GIGYF2: variants seen among roughly 807,000 people sequenced by gnomAD.
GIGYF2 encodes the protein GRB10 interacting GYF protein 2.
GIGYF2 carries 25 observed loss-of-function variants against 208.1 expected under a neutral mutation model. That is an observed-to-expected ratio of 0.12 (90% CI 0.09 to 0.17). GIGYF2 has a LOEUF of 0.17. Ranked by LOEUF, GIGYF2 falls within the 10% of genes least tolerant of loss-of-function variation. The pLI, the probability that GIGYF2 is intolerant of heterozygous loss-of-function variation, is 1.00. For synonymous variants in GIGYF2, 534 were observed against 543.8 expected (o/e 0.98, Z 0.25); for missense variants, 1,302 against 1,579.4 (o/e 0.82, Z 2.98).
intron 8 of GIGYF2, among the ~76,000 whole-genome samples, chr2:232,774,396 G>A (rs1699423372): frequency 6.6e-6 from 1 of 152,156 alleles, no homozygotes; most frequent in Non-Finnish European, 1.5e-5. Flanking sequence ...AAGACTTGAA[G>A]ATTATCACAG....
At position 232,844,076 on chromosome 2, in the gene GIGYF2, G is replaced by A. The variant is rs772345641; in HGVS notation, c.2920G>A (p.Ala974Thr). 1 of 1,612,026 alleles carries A rather than the reference G, an allele frequency of 6.2e-7. No homozygotes were observed. The highest frequency in any genetic ancestry group is 8.5e-7 in the Non-Finnish European group (1 of 1,178,792). ...QRRQQRELMK[A>T]LQQQQQQQQQ... ...GCGCCAGCAGAGGGAGTTGATGAAA[G>A]CTCTTCAGCAGCAGCAGCAACAGCA... is the stretch of plus-strand genomic sequence containing the variant. Residue 974 changes from alanine (A) to threonine (T), a missense_variant, in exon 24 of 29, where the codon GCT becomes ACT. By Grantham distance (58) the Ala-to-Thr change is moderately conservative. Transcript: ENST00000373563.
intron 14 of GIGYF2, among the ~76,000 whole-genome samples, chr2:232,804,077 ATT>A (rs201213759): frequency 0.033 from 5,024 of 152,146 alleles, 237 homozygotes; most frequent in East Asian, 0.23. Context: ...GGGTAGACTG[ATT>A]CTTCCCAGTT....
At chr2:232,712,909 G>T (rs1002333662) in intron 2 of GIGYF2, among the ~76,000 whole-genome samples, 1 of 152,110 alleles carries the variant, frequency 6.6e-6, no homozygotes, top group Non-Finnish European at 1.5e-5. Flanking sequence ...GTAGATAAGA[G>T]TTTGTTTATA....
chr2:232,847,244 T>C (rs1341378534), intron 26 of GIGYF2, 104 bp from the exon 27 acceptor site: 2 of 1,101,830 alleles, frequency 1.8e-6, no homozygotes, highest in South Asian at 1.2e-5. Context: ...CTGTCATTAA[T>C]GTTTGATTAG....
intron 1 of GIGYF2, among the ~76,000 whole-genome samples, chr2:232,701,471 C>T (rs977171677): frequency 6.0e-5 from 9 of 149,776 alleles, no homozygotes; most frequent in African/African-American, 1.7e-4. Context: ...GCTCTGTCAC[C>T]TAGGCTGGAG....
chr2:232,851,822 G>C (rs1312792553), intron 28 of GIGYF2, among the ~76,000 whole-genome samples: 5 of 152,206 alleles, frequency 3.3e-5, no homozygotes, highest in Non-Finnish European at 7.3e-5. Context: ...TTGTTGTCCT[G>C]TCAGGAGGGC....
At chr2:232,735,060 G>T (rs920876244) in intron 2 of GIGYF2, 95 bp from the exon 3 acceptor site, 1 of 667,608 alleles carries the variant, frequency 1.5e-6, no homozygotes, top group Non-Finnish European at 2.7e-6. Flanking sequence ...TAGTTGAGAG[G>T]AGCATAAATA....
At position 232,791,178 on chromosome 2, in the gene GIGYF2, C is replaced by G; in HGVS notation, c.1093+8C>G. 6.2e-7 allele frequency: 1 copy of G among 1,613,966 alleles called. No individual in the cohort carries two copies. The highest frequency in any genetic ancestry group is 1.1e-5 in the South Asian group (1 of 91,070). On this transcript the variant is annotated splice_region_variant and intron_variant, in intron 11 of 28. Transcript: ENST00000373563. ...CAGATAGAGTAGGAGTTGGTAAGGCCTCTTCTTGCCCTTTGCCTTTTTTTT... is the reference window on the plus strand; with the variant it reads ...CAGATAGAGTAGGAGTTGGTAAGGCGTCTTCTTGCCCTTTGCCTTTTTTTT...
intron 12 of GIGYF2, among the ~76,000 whole-genome samples, chr2:232,793,933 A>T (rs1700144779): frequency 6.6e-6 from 1 of 152,190 alleles, no homozygotes. Flanking sequence ...CTTATCTTTG[A>T]GAGAGGAGCT....
rs374196173 is a variant in GIGYF2 at position 232,787,130 on chromosome 2, C to T, written c.533-20C>T. ...ACTGGCAGAGGCTCATGTTTACTTA[C>T]CATATTATTTTCTTTATAGGGAGAC... On this transcript the variant is annotated intron_variant, in intron 8 of 28. Transcript: ENST00000373563. 16 of 1,579,668 alleles carry T rather than the reference C, an allele frequency of 1.0e-5. No homozygotes were observed. The African/African-American group carries it at 2.2e-4, about 21-fold the overall frequency.
At chr2:232,774,053 G>A (rs559919207) in intron 8 of GIGYF2, among the ~76,000 whole-genome samples, 4 of 151,854 alleles carry the variant, frequency 2.6e-5, no homozygotes, top group South Asian at 2.1e-4. Context: ...ACGTTGAGTC[G>A]GGAGGATTGC....
intron 2 of GIGYF2, among the ~76,000 whole-genome samples, chr2:232,732,645 T>A (rs1170153731): frequency 6.6e-6 from 1 of 151,632 alleles, no homozygotes; most frequent in Non-Finnish European, 1.5e-5. Context: ...TTTTAATTTT[T>A]TTTTTTTTTA....
chr2:232,718,838 G>A (rs1036154405), intron 2 of GIGYF2, among the ~76,000 whole-genome samples: 1 of 152,158 alleles, frequency 6.6e-6, no homozygotes, highest in African/African-American at 2.4e-5. Flanking sequence ...AACGTAGGTA[G>A]GCAGTGGGAA....
At chr2:232,823,028 C>T (rs1701141413) in intron 21 of GIGYF2, among the ~76,000 whole-genome samples, 1 of 151,992 alleles carries the variant, frequency 6.6e-6, no homozygotes, top group South Asian at 2.1e-4. Flanking sequence ...CTTTCCAGTC[C>T]TAGTTTACTG....
chr2:232,790,804 T>A lies in GIGYF2; in HGVS notation c.819T>A (p.Ser273=), dbSNP rs1483786103. The change falls in exon 10 of 29, where the codon TCT becomes TCA. Residue 273 remains serine, a synonymous_variant. Coordinates refer to ENST00000373563, the MANE Select transcript of GIGYF2 (RefSeq NM_001103146.3). ...AACGGGGTTACCGAAGGGTTCGCTC[T>A]GGCAGTGGGAGCATAGATGATGACA... is the stretch of plus-strand genomic sequence containing the variant. ...DDERGYRRVR[S]GSGSIDDDRD... 6.2e-6 allele frequency: 10 copies of A among 1,614,138 alleles called. No individual in the cohort carries two copies. The highest frequency in any genetic ancestry group is 8.5e-6 in the Non-Finnish European group (10 of 1,179,970).
intron 2 of GIGYF2, among the ~76,000 whole-genome samples, chr2:232,731,597 T>C (rs1387972350): frequency 2.6e-5 from 4 of 152,212 alleles, no homozygotes; most frequent in Admixed American, 1.3e-4. Context: ...GTCCACATAC[T>C]TTTAGAAAAC....
At chr2:232,818,762 C>T (rs974024464) in intron 20 of GIGYF2, among the ~76,000 whole-genome samples, 1 of 151,922 alleles carries the variant, frequency 6.6e-6, no homozygotes, top group Non-Finnish European at 1.5e-5. Flanking sequence ...AAATGTGTAT[C>T]TAAAAATCTA....
chr2:232,771,298 G>T, intron 8 of GIGYF2: 8 of 1,610,568 alleles, frequency 5.0e-6, no homozygotes, highest in Non-Finnish European at 6.8e-6. Context: ...GCCATCCTTG[G>T]TGACCATCCT....
intron 8 of GIGYF2, chr2:232,776,701 AG>A: frequency 1.9e-6 from 1 of 513,202 alleles, no homozygotes; most frequent in Non-Finnish European, 3.5e-6. Context: ...GTTTGTTAGG[AG>A]GTCTTTCTTT....
Sources: allele counts gnomAD v4.1 joint callset (sites outside exome capture counted in the v4.1 genomes callset), GRCh38; gene constraint gnomAD v4.1.1; transcripts MANE v1.5; gene names NCBI Gene and HGNC (gene_info 2026-07-23, HGNC 2026-07-21).